ACMSD: variants seen among roughly 807,000 people sequenced by gnomAD.
The protein encoded by ACMSD is aminocarboxymuconate semialdehyde decarboxylase.
A neutral mutation model predicts 45.9 loss-of-function variants in ACMSD; 37 were observed. The observed-to-expected ratio is 0.81, with a 90% confidence interval of 0.62 to 1.06. The LOEUF (loss-of-function observed/expected upper bound fraction) is 1.06. ACMSD is among the 50% of genes least tolerant of loss of function. ACMSD has a pLI of 0.00. For synonymous variants in ACMSD, 138 were observed against 148.8 expected, an observed-to-expected ratio of 0.93 and a Z score of 0.53; for missense variants, 434 against 420.9, an observed-to-expected ratio of 1.03 and a Z score of -0.27.
At chr2:134,842,631 A>C (rs1418648818) in intron 1 of ACMSD, among the ~76,000 whole-genome samples, 5 of 151,926 alleles carry the variant, frequency 3.3e-5, no homozygotes, top group African/African-American at 1.2e-4. Context: ...CCCCATCATC[A>C]CCACCGTCAC....
chr2:134,881,328 C>T (rs528246682), intron 8 of ACMSD, among the ~76,000 whole-genome samples: 1 of 152,156 alleles, frequency 6.6e-6, no homozygotes, highest in Admixed American at 6.6e-5. Flanking sequence ...TGGAGAATCT[C>T]GAAATTCTTG....
intron 8 of ACMSD, among the ~76,000 whole-genome samples, chr2:134,874,964 G>A (rs1346636913): frequency 2.6e-5 from 4 of 152,132 alleles, no homozygotes; most frequent in Non-Finnish European, 4.4e-5. Flanking sequence ...ATTATCAAAC[G>A]ATGCATGCTA....
chr2:134,891,039 T>C (rs1689754672), intron 8 of ACMSD, among the ~76,000 whole-genome samples: 1 of 152,096 alleles, frequency 6.6e-6, no homozygotes, highest in Non-Finnish European at 1.5e-5. Flanking sequence ...ATTAATACCC[T>C]GTGTCAGGTA....
chr2:134,886,246 A>ATTTT (rs756206850), intron 8 of ACMSD, among the ~76,000 whole-genome samples: 119 of 115,428 alleles, frequency 1.0e-3, no homozygotes, highest in African/African-American at 2.0e-3. Flanking sequence ...TATTATTATT[A>ATTTT]TTTTTTTTTT....
intron 9 of ACMSD, among the ~76,000 whole-genome samples, chr2:134,901,428 A>G (rs1248105426): frequency 6.6e-6 from 1 of 152,138 alleles, no homozygotes; most frequent in African/African-American, 2.4e-5. Flanking sequence ...TGGCTAGATG[A>G]CTTTTGAGCA....
intron 4 of ACMSD, chr2:134,862,830 A>G: frequency 3.1e-6 from 1 of 324,562 alleles, no homozygotes; most frequent in Non-Finnish European, 4.4e-6. Flanking sequence ...AGAGGAAAGT[A>G]AACAGTGAAG....
chr2:134,868,426 A>G (rs1321958345), intron 6 of ACMSD, among the ~76,000 whole-genome samples: 2 of 151,696 alleles, frequency 1.3e-5, no homozygotes, highest in African/African-American at 4.8e-5. Context: ...TTGGTCCCCA[A>G]ATGAAAAGTG....
chr2:134,863,987 G>A (rs986005798), intron 5 of ACMSD, among the ~76,000 whole-genome samples: 3 of 151,936 alleles, frequency 2.0e-5, no homozygotes, highest in East Asian at 3.9e-4. Context: ...TATATATTTT[G>A]GCCAGGTGCA....
Position 134,872,556 on chromosome 2 carries a change from C to T in ACMSD, c.764C>T (p.Pro255Leu), listed in dbSNP as rs761534630. The T allele has an allele frequency of 6.2e-6, 10 of 1,613,952 alleles. No individual in the cohort carries two copies. The highest frequency in any genetic ancestry group is 5.3e-5 in the African/African-American group (4 of 74,898). The change falls in exon 8 of 10, where the codon CCG becomes CTG. Residue 255 changes from proline to leucine, a missense_variant. By Grantham distance (98) the Pro-to-Leu change is moderately conservative. Coordinates refer to ENST00000356140, the MANE Select transcript of ACMSD (RefSeq NM_138326.3). ...TGTGCCCAGGACAACCCCATGAACC[C>T]GAAGAAATACCTTGGTTCCTTTTAC... ...DLCAQDNPMNPKKYLGSFYTD... is the reference protein window; with the variant it reads ...DLCAQDNPMNLKKYLGSFYTD...
At chr2:134,872,361 A>AT (rs540035672) in intron 7 of ACMSD, 108 bp from the exon 8 acceptor site, 4 of 1,237,002 alleles carry the variant, frequency 3.2e-6, no homozygotes, top group Non-Finnish European at 4.6e-6. Context: ...GGTCCTCTGT[A>AT]ATTACTGTTA....
At chr2:134,893,240 C>T (rs1482010915) in intron 8 of ACMSD, among the ~76,000 whole-genome samples, 2 of 148,008 alleles carry the variant, frequency 1.4e-5, no homozygotes, top group Admixed American at 6.7e-5. Context: ...GACAGGGCCT[C>T]GCTCTTTCAC....
At chr2:134,885,368 A>G (rs1301615712) in intron 8 of ACMSD, among the ~76,000 whole-genome samples, 1 of 105,404 alleles carries the variant, frequency 9.5e-6, no homozygotes, top group Non-Finnish European at 1.8e-5. Flanking sequence ...TTACATATAT[A>G]TTATATATAA....
intron 2 of ACMSD, among the ~76,000 whole-genome samples, chr2:134,857,570 G>GT (rs1368407978): frequency 3.9e-5 from 6 of 152,012 alleles, no homozygotes; most frequent in African/African-American, 1.4e-4. Flanking sequence ...TAGTTTAACA[G>GT]TTTTTTGGTG....
chr2:134,847,235 G>A (rs1001815399), intron 2 of ACMSD, among the ~76,000 whole-genome samples: 6 of 152,142 alleles, frequency 3.9e-5, no homozygotes, highest in African/African-American at 1.4e-4. Flanking sequence ...AGGCAGACAA[G>A]AGTAGGGAGA....
intron 2 of ACMSD, among the ~76,000 whole-genome samples, chr2:134,851,333 G>A (rs1687334697): frequency 6.6e-6 from 1 of 152,182 alleles, no homozygotes; most frequent in Admixed American, 6.5e-5. Context: ...CCCAGTAATA[G>A]GATCACTAGG....
chr2:134,841,812 A>G (rs1380937734), intron 1 of ACMSD, among the ~76,000 whole-genome samples: 1 of 152,196 alleles, frequency 6.6e-6, no homozygotes, highest in Admixed American at 6.5e-5. Context: ...CTTCAATTTG[A>G]AAATCATATA....
intron 9 of ACMSD, 141 bp downstream of exon 9, chr2:134,898,580 A>C: frequency 2.3e-5 from 11 of 483,736 alleles, no homozygotes; most frequent in Admixed American, 4.0e-5. Context: ...CTCTATCTCC[A>C]TAAATAGCTA....
In ACMSD at chr2:134,888,293, A is replaced by G. The variant is rs772982913; in HGVS notation, c.850-10048A>G. 3.9e-4 allele frequency among the ~76,000 whole-genome samples: 59 copies of G among 152,350 alleles called. 1 individual carries two copies. Among genetic ancestry groups the G allele is most frequent in the Admixed American group, 1.2e-3 (19 of 15,302 alleles). ...AGGTGCTCAACATCATTAGTTCATC[A>G]GAAAAATGCAATTTAAACTATGATG... On this transcript the variant is annotated intron_variant, in intron 8 of 9. Coordinates refer to ENST00000356140, the MANE Select transcript of ACMSD (RefSeq NM_138326.3).
rs189704461 is a variant in ACMSD, at chr2:134,840,815, A to G, written c.57+2076A>G. 1.2e-3 allele frequency among the ~76,000 whole-genome samples: 190 copies of G among 152,122 alleles called. 5 individuals carry two copies. The Middle Eastern group carries it at 0.037, about 30-fold the overall frequency. On this transcript the variant is annotated intron_variant, in intron 1 of 9. Transcript: ENST00000356140. ...TGGGGAACAGGTGGTGTTTGGTTAC[A>G]TGAGTAAGTTCTTTAGTGGTGATTT... is the stretch of plus-strand genomic sequence containing the variant.
Sources: allele counts gnomAD v4.1 joint callset (sites outside exome capture counted in the v4.1 genomes callset), GRCh38; gene constraint gnomAD v4.1.1; transcripts MANE v1.5; gene names NCBI Gene and HGNC (gene_info 2026-07-23, HGNC 2026-07-21).